The following CADM2 variants were observed in gnomAD, a reference collection of about 807,000 sequenced individuals.
CADM2 encodes the protein immunoglobulin superfamily member 4D.
CADM2 carries 12 observed loss-of-function variants against 49.8 expected under a neutral mutation model. That is an observed-to-expected ratio of 0.24 (90% CI 0.15 to 0.39). The LOEUF is 0.39. Among genes scored for constraint, CADM2 ranks in the 10% least tolerant of loss-of-function variants. The probability of loss-of-function intolerance (pLI) is 1.00; values close to 1 mark genes in which losing one functional copy is unlikely to be tolerated. For missense variants in CADM2, 378 were observed against 492.3 expected, an observed-to-expected ratio of 0.77 and a Z score of 2.20; for synonymous variants, 214 against 175.4, an observed-to-expected ratio of 1.22 and a Z score of -1.74.
chr3:85,232,652 G>T (rs2034619), intron 1 of CADM2, among the ~76,000 whole-genome samples: 3 of 151,754 alleles, frequency 2.0e-5, no homozygotes, highest in African/African-American at 4.8e-5. Flanking sequence ...TACTGATGGC[G>T]AATAAACATG....
chr3:85,679,387 G>C (rs924627270), intron 1 of CADM2, among the ~76,000 whole-genome samples: 18 of 152,172 alleles, frequency 1.2e-4, no homozygotes, highest in Admixed American at 8.5e-4. Flanking sequence ...GTGTGGATGA[G>C]AGATTAGGCT....
At chr3:85,294,377 C>T (rs575026569) in intron 1 of CADM2, among the ~76,000 whole-genome samples, 4 of 151,944 alleles carry the variant, frequency 2.6e-5, no homozygotes, top group Non-Finnish European at 4.4e-5. Flanking sequence ...AGGTAATTTA[C>T]AGATTCAATG....
chr3:85,043,023 A>G (rs2035502507), intron 1 of CADM2, among the ~76,000 whole-genome samples: 1 of 152,178 alleles, frequency 6.6e-6, no homozygotes, highest in African/African-American at 2.4e-5. Context: ...TGAAGAAATG[A>G]CAACACAAAG....
intron 7 of CADM2, among the ~76,000 whole-genome samples, chr3:85,942,978 A>G (rs1722140025): frequency 6.6e-6 from 1 of 152,070 alleles, no homozygotes; most frequent in Admixed American, 6.6e-5. Flanking sequence ...CTATTTCTTC[A>G]CATCCTCTCC....
At chr3:84,981,015 T>C (rs2032143139) in intron 1 of CADM2, among the ~76,000 whole-genome samples, 1 of 152,018 alleles carries the variant, frequency 6.6e-6, no homozygotes, top group Non-Finnish European at 1.5e-5. Flanking sequence ...TTAGGGTACA[T>C]GTGCACATTG....
chr3:85,452,223 T>G (rs1232574012), intron 1 of CADM2, among the ~76,000 whole-genome samples: 1 of 152,158 alleles, frequency 6.6e-6, no homozygotes, highest in Non-Finnish European at 1.5e-5. Flanking sequence ...TCCCAACTCT[T>G]GAGGCATTTC....
intron 1 of CADM2, among the ~76,000 whole-genome samples, chr3:85,139,752 T>G (rs568164341): frequency 6.6e-6 from 1 of 152,278 alleles, no homozygotes; most frequent in South Asian, 2.1e-4. Flanking sequence ...TGTGTCCATT[T>G]TTATGGGATT....
intron 1 of CADM2, among the ~76,000 whole-genome samples, chr3:85,258,115 G>T (rs2042931354): frequency 1.3e-5 from 2 of 152,008 alleles, no homozygotes; most frequent in African/African-American, 2.4e-5. Flanking sequence ...AAGGTCACTG[G>T]CCCTTGTGTG....
chr3:84,970,044 C>CTTTTTTTTTTTT (rs33980527), intron 1 of CADM2, among the ~76,000 whole-genome samples: 1 of 103,564 alleles, frequency 9.7e-6, no homozygotes, highest in African/African-American at 3.8e-5. Flanking sequence ...GACTGACCTG[C>CTTTTTTTTTTTT]TTTTTTTTTT....
chr3:85,022,855 G>A (rs1223140988), intron 1 of CADM2, among the ~76,000 whole-genome samples: 3 of 151,992 alleles, frequency 2.0e-5, no homozygotes, highest in African/African-American at 7.2e-5. Context: ...TACATTCAGT[G>A]TATCCATTAA....
chr3:85,551,109 A>G (rs2061791481), intron 1 of CADM2, among the ~76,000 whole-genome samples: 1 of 152,038 alleles, frequency 6.6e-6, no homozygotes, highest in African/African-American at 2.4e-5. Flanking sequence ...TCAGACTCTC[A>G]AGAAGCTGGG....
intron 1 of CADM2, among the ~76,000 whole-genome samples, chr3:85,314,738 T>C (rs1213179640): frequency 6.6e-6 from 1 of 152,200 alleles, no homozygotes; most frequent in Non-Finnish European, 1.5e-5. Context: ...AAGTATAAAT[T>C]TGAACTCTGG....
At chr3:85,272,238 T>C (rs924087149) in intron 1 of CADM2, among the ~76,000 whole-genome samples, 2 of 151,252 alleles carry the variant, frequency 1.3e-5, no homozygotes, top group African/African-American at 4.8e-5. Flanking sequence ...AGAAAATCCT[T>C]TCCTCATTTT....
rs1488249030 is a variant in CADM2, at chr3:86,070,503, T to C, written c.*3720T>C. 1 of 151,974 alleles carries C rather than the reference T, an allele frequency of 6.6e-6. No individual in the cohort carries two copies. The highest frequency in any genetic ancestry group is 1.9e-4 in the East Asian group (1 of 5,198). 9.4% of individuals were successfully genotyped at this position (151,974 alleles called of 1,614,324 possible). A position where few individuals can be genotyped will look rare whatever the true frequency, so the allele number is the denominator to read the frequency against. On this transcript the variant is annotated 3_prime_UTR_variant, in exon 10 of 10. Coordinates refer to ENST00000383699, the MANE Select transcript of CADM2 (RefSeq NM_001167675.2). ...TTAAATTTTACATTATGCTTTTTAA[T>C]TGTGGAGAAAATGCAAAACCTCATG...
At chr3:85,663,705 A>G (rs1009718106) in intron 1 of CADM2, among the ~76,000 whole-genome samples, 1 of 151,972 alleles carries the variant, frequency 6.6e-6, no homozygotes, top group Non-Finnish European at 1.5e-5. Flanking sequence ...TTCCCACAGG[A>G]TCTTTCTTAA....
chr3:85,745,812 A>C (rs137868586), intron 2 of CADM2, among the ~76,000 whole-genome samples: 3 of 152,210 alleles, frequency 2.0e-5, no homozygotes, highest in East Asian at 3.9e-4. Context: ...ATGAAGTTAC[A>C]TCTTACTTCT....
intron 8 of CADM2, among the ~76,000 whole-genome samples, chr3:86,061,898 T>G (rs1280314676): frequency 2.0e-5 from 3 of 151,888 alleles, no homozygotes; most frequent in Non-Finnish European, 4.4e-5. Flanking sequence ...GATGTTACTT[T>G]TCCACATCAG....
rs1244888993 is a variant in CADM2, at chr3:85,347,560, C to CAT, written c.62-378954_62-378953dup. 4.5e-4 allele frequency among the ~76,000 whole-genome samples: 64 copies of CAT among 141,524 alleles called. No individual in the cohort carries two copies. The South Asian group carries it at 0.01, about 23-fold the overall frequency. The allele number at this position is 141,524 out of a possible 152,430, so 92.8% of individuals were successfully genotyped here. A position where few individuals can be genotyped will look rare whatever the true frequency, so the allele number is the denominator to read the frequency against. On this transcript the variant is annotated intron_variant, in intron 1 of 9. Transcript: ENST00000383699. ...ACACATATATAAATATATATACACA[C>CAT]ATATATATAAATATATATACATATA... is the stretch of plus-strand genomic sequence containing the variant.
At chr3:85,269,185 C>T (rs1418346849) in intron 1 of CADM2, among the ~76,000 whole-genome samples, 4 of 150,848 alleles carry the variant, frequency 2.7e-5, no homozygotes, top group Non-Finnish European at 4.5e-5. Context: ...AAAATTAAGC[C>T]CAGGATTCTA....
Sources: gnomAD v4.1 joint callset for allele counts (sites outside exome capture counted in the v4.1 genomes callset) on GRCh38, gnomAD v4.1.1 for gene constraint, MANE v1.5 for transcripts, NCBI Gene and HGNC (gene_info 2026-07-23, HGNC 2026-07-21) for gene names.